DGKZ: variants seen among roughly 807,000 people sequenced by gnomAD.
The protein encoded by DGKZ is diacylglycerol kinase zeta.
DGKZ carries 45 observed loss-of-function variants against 142.5 expected under a neutral mutation model. The observed-to-expected ratio is 0.32, with a 90% CI of 0.25 to 0.40. The LOEUF (loss-of-function observed/expected upper bound fraction) is 0.40, where lower values mean the gene tolerates loss of function less well. Among genes scored for constraint, DGKZ ranks in the 10% least tolerant of loss-of-function variants. The pLI is 1.00. For synonymous variants in DGKZ, 442 were observed against 527.0 expected, an observed-to-expected ratio of 0.84 and a Z score of 2.21; for missense variants, 755 against 1,306.5, an observed-to-expected ratio of 0.58 and a Z score of 6.51.
intron 1 of DGKZ, among the ~76,000 whole-genome samples, chr11:46,361,352 C>T (rs1942623862): frequency 6.6e-6 from 1 of 152,190 alleles, no homozygotes; most frequent in Non-Finnish European, 1.5e-5. Flanking sequence ...TACTGGGTGC[C>T]AGGTGGAAGG....
In DGKZ at chr11:46,369,624, G is replaced by A. The variant is rs371937492; in HGVS notation, c.501+74G>A. The A allele has an allele frequency of 1.1e-4, 169 of 1,584,402 alleles. No individual in the cohort carries two copies. In the Middle Eastern group the frequency reaches 3.6e-3, roughly 34 times the overall value. On this transcript the variant is annotated intron_variant, in intron 5 of 30. Coordinates refer to ENST00000527911, the Ensembl canonical transcript of DGKZ. ...TGGGCCTCTGCGCAGTGCCTCTGGA[G>A]TGCCACCAGGGGGCTCGGCTCCCTC... is the stretch of plus-strand genomic sequence containing the variant.
chr11:46,372,227 G>C lies in DGKZ; in HGVS notation c.927+57G>C. 6.7e-7 allele frequency: 1 copy of C among 1,481,978 alleles called. No individual in the cohort carries two copies. Among genetic ancestry groups the C allele is most frequent in the Non-Finnish European group, 9.2e-7 (1 of 1,092,880 alleles). The allele number at this position is 1,481,978 out of a possible 1,614,324, so 91.8% of individuals were successfully genotyped here. On this transcript the variant is annotated intron_variant, in intron 10 of 30. Coordinates refer to ENST00000527911, the Ensembl canonical transcript of DGKZ. This position sits in a 1 kb window ranked among gnomAD's most constrained non-coding sequence, Gnocchi z 5.9. Reference sequence around the variant, plus strand: ...TCGGGCGGGGGTTGGGGTCCAGCCCGTCTGCCAGCAGCTGTTCCCAGAGCC... The same window carrying C: ...TCGGGCGGGGGTTGGGGTCCAGCCCCTCTGCCAGCAGCTGTTCCCAGAGCC...
intron 14 of DGKZ, 141 bp from the exon 15 acceptor site, chr11:46,374,016 C>A: frequency 2.3e-6 from 2 of 852,886 alleles, no homozygotes; most frequent in Non-Finnish European, 3.7e-6. Flanking sequence ...AGCGGGTGAG[C>A]TGGGCTGAGC....
At chr11:46,378,308 G>A (rs776474808) in intron 26 of DGKZ, 79 bp downstream of exon 26, 20 of 1,552,866 alleles carry the variant, frequency 1.3e-5, no homozygotes, top group Non-Finnish European at 1.7e-5. Context: ...ATAGGGCCCA[G>A]ACACAGCCTT....
chr11:46,361,675 A>T, intron 1 of DGKZ: 1 of 985,492 alleles, frequency 1.0e-6, no homozygotes, highest in Non-Finnish European at 1.2e-6. Flanking sequence ...TGGGGACCCC[A>T]GCTCCCACCT....
intron 1 of DGKZ, among the ~76,000 whole-genome samples, chr11:46,356,819 G>T (rs1004710248): frequency 6.6e-6 from 1 of 152,122 alleles, no homozygotes; most frequent in East Asian, 1.9e-4. Context: ...ATGAGGATAC[G>T]GGCCATGGGG....
At position 46,368,038 on chromosome 11, in the gene DGKZ, A is replaced by G. The variant is rs545678454; in HGVS notation, c.403A>G (p.Lys135Glu). The change falls in exon 4 of 31, where the codon AAG becomes GAG. Residue 135 changes from lysine (K) to glutamate (E), a missense_variant. Physicochemically the swap from Lys to Glu is moderately conservative, Grantham distance 56. Transcript: ENST00000527911. ...GTCTCGAAGAAAGTGCGCAGCCTGCAAGATTGTGGTGCACACGCCCTGCAT... is the reference window on the plus strand; with the variant it reads ...GTCTCGAAGAAAGTGCGCAGCCTGCGAGATTGTGGTGCACACGCCCTGCAT... 17 of 1,614,014 alleles carry G rather than the reference A, an allele frequency of 1.1e-5. No homozygotes were observed. The Admixed American group carries it at 2.0e-4, about 19-fold the overall frequency.
chr11:46,366,529 G>A (rs773661398), intron 1 of DGKZ: 1 of 1,596,382 alleles, frequency 6.3e-7, no homozygotes, highest in Admixed American at 1.7e-5. Context: ...TGGATAAGGT[G>A]CTCACTCCAC....
At chr11:46,356,821 G>A (rs1942077217) in intron 1 of DGKZ, among the ~76,000 whole-genome samples, 1 of 152,194 alleles carries the variant, frequency 6.6e-6, no homozygotes, top group Non-Finnish European at 1.5e-5. Context: ...GAGGATACGG[G>A]CCATGGGGAT....
chr11:46,357,663 ACCTGGC>A (rs1942190553), intron 1 of DGKZ, among the ~76,000 whole-genome samples: 1 of 152,150 alleles, frequency 6.6e-6, no homozygotes. Context: ...GATGCGCTAG[ACCTGGC>A]CCCGGCCCCC....
At chr11:46,379,507 A>G (rs1944971419) in exon 30 of DGKZ, 4 of 1,611,586 alleles carry the variant, frequency 2.5e-6, no homozygotes, top group Non-Finnish European at 3.4e-6. Flanking sequence ...GCCCTGGGCC[A>G]GCGCACCATC....
At position 46,366,860 on chromosome 11, in the gene DGKZ, C is replaced by G. The variant is rs764401862; in HGVS notation, c.162-431C>G. On this transcript the variant is annotated intron_variant, in intron 1 of 30. Coordinates refer to ENST00000527911, the Ensembl canonical transcript of DGKZ. ...AGGCCAGCACCCTGGCCCTGGGGGCCGAAGAGCCTCAGGCACCACCGCCGG... is the reference window on the plus strand; with the variant it reads ...AGGCCAGCACCCTGGCCCTGGGGGCGGAAGAGCCTCAGGCACCACCGCCGG... 162 of 1,545,938 alleles carry G rather than the reference C, an allele frequency of 1.0e-4. No individual in the cohort carries two copies. The highest frequency in any genetic ancestry group is 1.3e-4 in the Non-Finnish European group (152 of 1,151,718).
intron 1 of DGKZ, among the ~76,000 whole-genome samples, chr11:46,357,605 A>G (rs1461232562): frequency 6.6e-6 from 1 of 152,234 alleles, no homozygotes; most frequent in Non-Finnish European, 1.5e-5. Context: ...TGCACTGATC[A>G]GCAGTAAATG....
intron 1 of DGKZ, among the ~76,000 whole-genome samples, chr11:46,335,443 A>ACACACACACACG (rs1590365605): frequency 1.3e-5 from 2 of 152,104 alleles, no homozygotes; most frequent in East Asian, 3.9e-4. Flanking sequence ...ACACACACAC[A>ACACACACACACG]CACACACACA....
At chr11:46,349,529 C>G (rs569982211) in intron 1 of DGKZ, among the ~76,000 whole-genome samples, 1 of 151,812 alleles carries the variant, frequency 6.6e-6, no homozygotes, top group East Asian at 1.9e-4. Flanking sequence ...CTAAAATAAG[C>G]AGGGTAGGTG....
At chr11:46,340,914 C>G (rs1389261703) in intron 1 of DGKZ, among the ~76,000 whole-genome samples, 3 of 152,214 alleles carry the variant, frequency 2.0e-5, no homozygotes, top group Non-Finnish European at 4.4e-5. Flanking sequence ...GTTGGAAGGC[C>G]AGGGCGGGCC....
At chr11:46,364,872 G>T in intron 1 of DGKZ, 1 of 985,416 alleles carries the variant, frequency 1.0e-6, no homozygotes, top group Non-Finnish European at 1.2e-6. Context: ...CTGTCCCAGG[G>T]CTGTGACCTT....
At chr11:46,353,188 A>G (rs560388092) in intron 1 of DGKZ, among the ~76,000 whole-genome samples, 3 of 152,316 alleles carry the variant, frequency 2.0e-5, no homozygotes, top group East Asian at 3.9e-4. Context: ...CCCATTTTGC[A>G]GATAAGAAAA....
chr11:46,353,079 G>A (rs1044714164), intron 1 of DGKZ, among the ~76,000 whole-genome samples: 3 of 152,222 alleles, frequency 2.0e-5, no homozygotes, highest in Non-Finnish European at 2.9e-5. Context: ...CAGGAGTGGC[G>A]TTCCAGCTCC....
Sources: allele counts gnomAD v4.1 joint callset (sites outside exome capture counted in the v4.1 genomes callset), GRCh38; gene constraint gnomAD v4.1.1; non-coding constraint Gnocchi (gnomAD v3.1); transcripts MANE v1.5; gene names NCBI Gene and HGNC (gene_info 2026-07-23, HGNC 2026-07-21).